MSH3: variants seen among roughly 807,000 people sequenced by gnomAD.
MSH3 encodes DNA mismatch repair protein Msh3.
Under a neutral mutation model 123.3 loss-of-function variants are expected in MSH3, and 106 were observed. The observed-to-expected ratio is 0.86, with a 90% CI of 0.73 to 1.01. The LOEUF is 1.01. Ranked by LOEUF, MSH3 falls within the 50% of genes least tolerant of loss-of-function variation. MSH3 has a pLI of 0.00. For missense variants in MSH3, 1,459 were observed against 1,347.6 expected (o/e 1.08, Z -1.29); for synonymous variants, 515 against 481.4 (o/e 1.07, Z -0.91).
intron 18 of MSH3, among the ~76,000 whole-genome samples, chr5:80,788,416 G>A (rs1395661123): frequency 6.6e-6 from 1 of 152,130 alleles, no homozygotes; most frequent in Non-Finnish European, 1.5e-5. Flanking sequence ...CATCCAGCCT[G>A]GGCAAGAGAG....
At chr5:80,741,308 C>T (rs371833917) in intron 10 of MSH3, among the ~76,000 whole-genome samples, 156 bp from the exon 11 acceptor site, 13 of 152,264 alleles carry the variant, frequency 8.5e-5, no homozygotes, top group African/African-American at 2.2e-4. Context: ...TGGACTACAA[C>T]AGCCTGATGA....
Position 80,698,618 on chromosome 5 carries a change from G to A in MSH3, c.1340+19525G>A, listed in dbSNP as rs140347633. Reference sequence around the variant, plus strand: ...TGGGTTACTCTGCCAGCATGAGCAGGCAACCTGAGGCAGGACAGACGTGTT... The same window carrying A: ...TGGGTTACTCTGCCAGCATGAGCAGACAACCTGAGGCAGGACAGACGTGTT... On this transcript the variant is annotated intron_variant, in intron 8 of 23. Coordinates refer to ENST00000265081, the MANE Select transcript of MSH3 (RefSeq NM_002439.5). Among the ~76,000 whole-genome samples, 55 of 134,390 alleles carry A rather than the reference G, an allele frequency of 4.1e-4. No individual in the cohort carries two copies. The Middle Eastern group carries it at 0.011, about 26-fold the overall frequency. The allele number at this position is 134,390 out of a possible 152,430, so 88.2% of individuals were successfully genotyped here. A position where few individuals can be genotyped will look rare whatever the true frequency, so the allele number is the denominator to read the frequency against.
At chr5:80,818,896 ATTG>A (rs1174276254) in intron 20 of MSH3, among the ~76,000 whole-genome samples, 6 of 152,008 alleles carry the variant, frequency 3.9e-5, no homozygotes, top group Non-Finnish European at 7.4e-5. Context: ...TTTTTTTGTT[ATTG>A]TTCTGGGATT....
At chr5:80,841,766 T>C (rs1211813959) in intron 20 of MSH3, among the ~76,000 whole-genome samples, 2 of 152,226 alleles carry the variant, frequency 1.3e-5, no homozygotes, top group East Asian at 1.9e-4. Flanking sequence ...GTTTTTTTCT[T>C]GTAAATTTGT....
chr5:80,746,511 A>C, intron 12 of MSH3: 1 of 490,786 alleles, frequency 2.0e-6, no homozygotes, highest in Non-Finnish European at 4.1e-6. Flanking sequence ...AGTAGTTTGC[A>C]GGCAGAAGTA....
At chr5:80,823,850 G>A (rs373167950) in intron 20 of MSH3, among the ~76,000 whole-genome samples, 7 of 152,122 alleles carry the variant, frequency 4.6e-5, no homozygotes, top group South Asian at 2.1e-4. Context: ...GCGGCCTTCC[G>A]CAGTGTTTGT....
intron 20 of MSH3, among the ~76,000 whole-genome samples, chr5:80,827,807 A>G (rs917357642): frequency 6.6e-6 from 1 of 152,224 alleles, no homozygotes; most frequent in Non-Finnish European, 1.5e-5. Flanking sequence ...TGCAAATCCC[A>G]GGCAAATCTT....
intron 8 of MSH3, among the ~76,000 whole-genome samples, chr5:80,682,792 C>G (rs1243995140): frequency 6.6e-6 from 1 of 152,120 alleles, no homozygotes; most frequent in East Asian, 1.9e-4. Context: ...TGTAGTCATT[C>G]TGTTGCACTA....
chr5:80,782,216 A>T (rs1744421517), intron 17 of MSH3, among the ~76,000 whole-genome samples: 3 of 152,168 alleles, frequency 2.0e-5, no homozygotes, highest in African/African-American at 7.2e-5. Context: ...GTTACTGGTG[A>T]TTTTAATTTC....
intron 8 of MSH3, among the ~76,000 whole-genome samples, chr5:80,695,423 C>T (rs1054165015): frequency 6.6e-6 from 1 of 152,004 alleles, no homozygotes; most frequent in African/African-American, 2.4e-5. Flanking sequence ...CAACCTCCGC[C>T]CCCCGGGTTC....
At chr5:80,721,189 C>CA (rs1182678812) in intron 8 of MSH3, among the ~76,000 whole-genome samples, 1 of 152,120 alleles carries the variant, frequency 6.6e-6, no homozygotes, top group Non-Finnish European at 1.5e-5. Flanking sequence ...TGCATATTGT[C>CA]AAAGTATTTG....
chr5:80,761,649 AG>A lies in MSH3; in HGVS notation c.1871del (p.Gly624AspfsTer17). On this transcript the variant is annotated frameshift_variant, in exon 13 of 24. Coordinates refer to ENST00000265081, the MANE Select transcript of MSH3 (RefSeq NM_002439.5). LOFTEE classifies it high-confidence loss of function. Reference protein sequence around the residue: ...NHLRKLPDIERGLCSIYHKKC... With the variant: ...NHLRKLPDIEXGLCSIYHKKC... ...TCTACGTAAATTGCCCGACATAGAGAGGGGACTCTGTAGCATTTATCACAAA... is the reference window on the plus strand; with the variant it reads ...TCTACGTAAATTGCCCGACATAGAGAGGGACTCTGTAGCATTTATCACAAA... 6.2e-7 allele frequency: 1 copy of A among 1,614,128 alleles called. No individual in the cohort carries two copies. Among genetic ancestry groups the A allele is most frequent in the Non-Finnish European group, 8.5e-7 (1 of 1,180,004 alleles).
intron 8 of MSH3, among the ~76,000 whole-genome samples, chr5:80,703,285 T>C (rs554464637): frequency 6.6e-6 from 1 of 152,348 alleles, no homozygotes; most frequent in South Asian, 2.1e-4. Context: ...CAGGGTATCA[T>C]TTATGTATGA....
chr5:80,776,926 ATAT>A (rs1474128929), intron 16 of MSH3, among the ~76,000 whole-genome samples: 184 of 126,868 alleles, frequency 1.5e-3, no homozygotes, highest in African/African-American at 5.0e-3. Flanking sequence ...ATATATATAT[ATAT>A]TTTTTTTTTT....
At chr5:80,871,640 A>G (rs1218044357) in intron 22 of MSH3, among the ~76,000 whole-genome samples, 1 of 152,202 alleles carries the variant, frequency 6.6e-6, no homozygotes, top group Non-Finnish European at 1.5e-5. Flanking sequence ...GAGCATCTCC[A>G]CAGACAGCCC....
At chr5:80,849,786 A>G (rs1337979690) in intron 20 of MSH3, among the ~76,000 whole-genome samples, 7 of 152,108 alleles carry the variant, frequency 4.6e-5, no homozygotes, top group Admixed American at 2.0e-4. Context: ...AAGACCTCTG[A>G]CATGCCTGGA....
intron 7 of MSH3, among the ~76,000 whole-genome samples, chr5:80,677,371 G>A (rs1385796085): frequency 2.6e-5 from 4 of 152,148 alleles, no homozygotes; most frequent in Non-Finnish European, 4.4e-5. Context: ...TAGATATTGT[G>A]GGTATTACAG....
chr5:80,831,581 T>C (rs756418020), intron 20 of MSH3, among the ~76,000 whole-genome samples: 40 of 152,144 alleles, frequency 2.6e-4, no homozygotes, highest in Non-Finnish European at 4.9e-4. Flanking sequence ...TTCCTCTACT[T>C]GGACTTTAGT....
At chr5:80,778,104 C>T (rs1744337492) in intron 16 of MSH3, among the ~76,000 whole-genome samples, 1 of 152,178 alleles carries the variant, frequency 6.6e-6, no homozygotes, top group Non-Finnish European at 1.5e-5. Flanking sequence ...ATGGCATCCC[C>T]TGTTGTGCTC....
Sources: allele counts gnomAD v4.1 joint callset (sites outside exome capture counted in the v4.1 genomes callset), GRCh38; gene constraint gnomAD v4.1.1; transcripts MANE v1.5; gene names NCBI Gene and HGNC (gene_info 2026-07-23, HGNC 2026-07-21).